The following PTPRT variants were observed in gnomAD, a reference collection of about 807,000 sequenced individuals.
The protein encoded by PTPRT is receptor-type tyrosine-protein phosphatase T.
PTPRT carries 56 observed loss-of-function variants against 176.8 expected under a neutral mutation model. That is an observed-to-expected ratio of 0.32 (90% CI 0.26 to 0.40). PTPRT has a LOEUF of 0.40. PTPRT is among the 10% of genes least tolerant of loss of function. PTPRT has a pLI of 1.00. For synonymous variants in PTPRT, 783 were observed against 739.0 expected, an observed-to-expected ratio of 1.06 and a Z score of -0.96; for missense variants, 1,540 against 1,908.2, an observed-to-expected ratio of 0.81 and a Z score of 3.60.
chr20:42,311,471 G>A (rs2057628015), intron 12 of PTPRT, among the ~76,000 whole-genome samples: 2 of 152,258 alleles, frequency 1.3e-5, no homozygotes. Context: ...AGGTAGAGTA[G>A]GGAGCAATGA....
chr20:42,712,811 A>T (rs2076164928), intron 6 of PTPRT, among the ~76,000 whole-genome samples: 1 of 152,202 alleles, frequency 6.6e-6, no homozygotes, highest in African/African-American at 2.4e-5. Flanking sequence ...TTGCACAGTG[A>T]AATAATGTTT....
chr20:42,109,531 A>C (rs1038107258), intron 23 of PTPRT, among the ~76,000 whole-genome samples: 6 of 152,168 alleles, frequency 3.9e-5, no homozygotes, highest in Admixed American at 1.3e-4. Context: ...ATTTCTCTCT[A>C]TGAGGGACCC....
intron 16 of PTPRT, among the ~76,000 whole-genome samples, chr20:42,183,847 C>T (rs918228285): frequency 9.9e-5 from 15 of 152,114 alleles, no homozygotes; most frequent in Admixed American, 9.2e-4. Flanking sequence ...TTTAGGAGGA[C>T]TAGCATTTCT....
At chr20:42,213,149 G>A (rs555171496) in intron 15 of PTPRT, among the ~76,000 whole-genome samples, 5 of 150,216 alleles carry the variant, frequency 3.3e-5, no homozygotes, top group South Asian at 2.1e-4. Context: ...CAAGTTCACC[G>A]GCCCTGCCCT....
At chr20:42,427,310 C>A (rs1264105182) in intron 9 of PTPRT, among the ~76,000 whole-genome samples, 2 of 152,142 alleles carry the variant, frequency 1.3e-5, no homozygotes, top group African/African-American at 4.8e-5. Context: ...TTAAGTGTTT[C>A]TCAAACTTAA....
chr20:42,646,884 T>TC (rs2074915885), intron 7 of PTPRT, among the ~76,000 whole-genome samples: 1 of 74,688 alleles, frequency 1.3e-5, no homozygotes, highest in East Asian at 2.9e-4. Context: ...AAGACAGCCT[T>TC]TTTTTTTTTT....
At position 42,081,939 on chromosome 20, in the gene PTPRT, G is replaced by A. The variant is rs762460192; in HGVS notation, c.4215C>T (p.Asp1405=). ...CEMIQQQNII[D]VFHIVKTLRN... ...GCAGTGTTTTCACGATGTGGAACAC[G>A]TCAATGATGTTTTGCTGCTGGATCA... The change falls in exon 30 of 31, where the codon GAC becomes GAT. Residue 1405 remains aspartate (D), a synonymous_variant. Transcript: ENST00000373187. The A allele has an allele frequency of 1.4e-5, 23 of 1,614,088 alleles. No homozygotes were observed. Among genetic ancestry groups the A allele is most frequent in the East Asian group, 2.2e-5 (1 of 44,898 alleles).
chr20:42,717,181 TATAATAATAATAATA>T (rs71335871), intron 6 of PTPRT, among the ~76,000 whole-genome samples: 6 of 146,442 alleles, frequency 4.1e-5, no homozygotes, highest in African/African-American at 7.5e-5. Context: ...AAACTTAAAG[TATAATAATAATAATA>T]ATAATAATAA....
intron 5 of PTPRT, 146 bp from the exon 6 acceptor site, chr20:42,756,782 G>T (rs955117814): frequency 2.9e-6 from 2 of 685,820 alleles, no homozygotes; most frequent in African/African-American, 1.8e-5. Flanking sequence ...AGGCACAGTG[G>T]CTCATGCCTG....
At chr20:43,107,275 T>C (rs2012659200) in intron 1 of PTPRT, among the ~76,000 whole-genome samples, 1 of 152,176 alleles carries the variant, frequency 6.6e-6, no homozygotes, top group South Asian at 2.1e-4. Flanking sequence ...GGCAGACAGC[T>C]AGTCGGCTGA....
At chr20:42,806,773 G>C (rs1441667872) in intron 2 of PTPRT, among the ~76,000 whole-genome samples, 1 of 152,152 alleles carries the variant, frequency 6.6e-6, no homozygotes, top group African/African-American at 2.4e-5. Flanking sequence ...ATAGGCTGTA[G>C]TTTGCTGACC....
chr20:42,629,632 G>T (rs191708887), intron 7 of PTPRT, among the ~76,000 whole-genome samples: 9 of 152,282 alleles, frequency 5.9e-5, no homozygotes, highest in Non-Finnish European at 7.4e-5. Flanking sequence ...GGGGGAGAGG[G>T]TTGTCCTAAG....
At chr20:42,037,921 T>C in the PTPRT span, among the ~76,000 whole-genome samples, 2 of 152,130 alleles carry the variant, frequency 1.3e-5, no homozygotes, top group Admixed American at 1.3e-4. Flanking sequence ...GCTGCTGCTT[T>C]CCAGGAGGGG....
chr20:42,380,138 C>T (rs2058685676), intron 9 of PTPRT, among the ~76,000 whole-genome samples: 1 of 152,164 alleles, frequency 6.6e-6, no homozygotes, highest in Admixed American at 6.5e-5. Flanking sequence ...GGTCAGAATG[C>T]TACTGCAGGC....
intron 8 of PTPRT, among the ~76,000 whole-genome samples, chr20:42,448,647 T>C (rs1203108960): frequency 6.6e-6 from 1 of 152,152 alleles, no homozygotes; most frequent in African/African-American, 2.4e-5. Context: ...AGGCTTTTCA[T>C]CTGCAGACTG....
At chr20:43,005,912 C>T (rs1236908719) in intron 1 of PTPRT, among the ~76,000 whole-genome samples, 1 of 152,134 alleles carries the variant, frequency 6.6e-6, no homozygotes, top group Non-Finnish European at 1.5e-5. Flanking sequence ...AAACCAGACA[C>T]AACCTACAAG....
At chr20:42,309,419 G>T (rs551116035) in intron 12 of PTPRT, among the ~76,000 whole-genome samples, 2 of 152,116 alleles carry the variant, frequency 1.3e-5, no homozygotes, top group Admixed American at 6.5e-5. Flanking sequence ...GGAAATCAAG[G>T]CTGCCCAGGA....
chr20:42,472,959 C>T (rs908502723), intron 7 of PTPRT, among the ~76,000 whole-genome samples: 7 of 152,164 alleles, frequency 4.6e-5, no homozygotes, highest in Non-Finnish European at 8.8e-5. Context: ...TGACCTGCCT[C>T]CTTATACTGA....
rs145886408 is a variant in PTPRT at position 42,759,723 on chromosome 20, T to C, written c.685-3087A>G. On this transcript the variant is annotated intron_variant, in intron 5 of 30. Transcript: ENST00000373187. The stretch of plus-strand genomic sequence containing the variant: ...TGCAGTAGTTTTTCAGATTTAAGTA[T>C]ATCCTTCCTCTGAACTTTTAGGGCA... Among the ~76,000 whole-genome samples the C allele has an allele frequency of 2.1e-3, 327 of 152,312 alleles. 3 individuals are homozygous for C. In the Middle Eastern group the frequency reaches 0.024, roughly 11 times the overall value.
Sources: gnomAD v4.1 joint callset for allele counts (sites outside exome capture counted in the v4.1 genomes callset) on GRCh38, gnomAD v4.1.1 for gene constraint, MANE v1.5 for transcripts, NCBI Gene and HGNC (gene_info 2026-07-23, HGNC 2026-07-21) for gene names.